The following LIPG variants were observed in gnomAD, a reference collection of about 807,000 sequenced individuals.
The protein encoded by LIPG is endothelial lipase.
In LIPG, 34 loss-of-function variants were observed where a neutral mutation model predicts 51.8. That is an observed-to-expected ratio of 0.66 (90% CI 0.50 to 0.87). The LOEUF is 0.87. Ranked by LOEUF, LIPG falls within the 40% of genes least tolerant of loss-of-function variation. The pLI, the probability that LIPG is intolerant of heterozygous loss-of-function variation, is 0.00. For missense variants in LIPG, 580 were observed against 652.7 expected (o/e 0.89, Z 1.21); for synonymous variants, 246 against 246.1 (o/e 1.00, Z 0.00).
Position 49,591,298 on chromosome 18 carries a change from C to CT in LIPG, c.*777dup, listed in dbSNP as rs2084941345. ...AAAGGCACCTGGGGCCTGGGGGAGG[C>CT]TATAGGATATAAGCATTAGGGACCC... On this transcript the variant is annotated 3_prime_UTR_variant, in exon 10 of 10. Transcript: ENST00000261292. The CT allele has an allele frequency of 6.6e-6, 1 of 152,264 alleles. No individual in the cohort carries two copies. The highest frequency in any genetic ancestry group is 2.1e-4 in the South Asian group (1 of 4,826). 9.4% of individuals were successfully genotyped at this position (152,264 alleles called of 1,614,324 possible).
At chr18:49,586,713 C>A in intron 8 of LIPG, 33 bp from the exon 9 acceptor site, 1 of 1,481,468 alleles carries the variant, frequency 6.8e-7, no homozygotes, top group Non-Finnish European at 9.4e-7. Flanking sequence ...CCCTAAAGTT[C>A]TGCCTACATC....
rs1004081879 is a variant in LIPG, at chr18:49,595,452, T to A, written c.*4930T>A. On this transcript the variant is annotated 3_prime_UTR_variant, in exon 10 of 10. Transcript: ENST00000261292. Reference sequence around the variant, plus strand: ...CAGAGACAATACTGCTCAGGGTTGTTGTGAATGTTAAAGGTACATGGTAAA... The same window carrying A: ...CAGAGACAATACTGCTCAGGGTTGTAGTGAATGTTAAAGGTACATGGTAAA... 1.3e-5 allele frequency: 2 copies of A among 152,202 alleles called. No individual in the cohort carries two copies. The highest frequency in any genetic ancestry group is 4.8e-5 in the African/African-American group (2 of 41,444). 9.4% of individuals were successfully genotyped at this position (152,202 alleles called of 1,614,324 possible).
intron 2 of LIPG, among the ~76,000 whole-genome samples, chr18:49,567,099 G>A (rs1026228463): frequency 1.3e-5 from 2 of 152,210 alleles, no homozygotes; most frequent in African/African-American, 4.8e-5. Context: ...CACTCTGGAA[G>A]GCCTAGGTGG....
chr18:49,585,633 A>G (rs2084872611), intron 8 of LIPG, among the ~76,000 whole-genome samples: 1 of 152,178 alleles, frequency 6.6e-6, no homozygotes. Flanking sequence ...CATCCTCTGC[A>G]TTTTCCTTGT....
At chr18:49,561,643 T>G (rs932206041), upstream of LIPG, 1 of 1,213,194 alleles carries the variant, frequency 8.2e-7, no homozygotes, top group Non-Finnish European at 1.0e-6. Flanking sequence ...AGGGAGCGGA[T>G]AGACCACTCC....
At chr18:49,581,768 C>A in intron 6 of LIPG, 111 bp downstream of exon 6, 1 of 1,336,550 alleles carries the variant, frequency 7.5e-7, no homozygotes, top group Non-Finnish European at 1.1e-6. Context: ...CCAGCACAAT[C>A]CAATCAAATC....
chr18:49,582,896 A>T (rs542979221), intron 7 of LIPG, among the ~76,000 whole-genome samples: 2 of 152,356 alleles, frequency 1.3e-5, no homozygotes, highest in African/African-American at 4.8e-5. Flanking sequence ...TTGAGTATCC[A>T]CCAGGGACAA....
chr18:49,562,325 C>T lies in LIPG; in HGVS notation c.17C>T (p.Pro6Leu). 2 of 1,613,538 alleles carry T rather than the reference C, an allele frequency of 1.2e-6. No individual in the cohort carries two copies. The highest frequency in any genetic ancestry group is 1.7e-6 in the Non-Finnish European group (2 of 1,180,028). The change falls in exon 1 of 10, where the codon CCT (proline) becomes CTT (leucine). Residue 6 changes from proline to leucine, a missense_variant. Transcript: ENST00000261292. ...CGGGGCAGGATGAGCAACTCCGTTC[C>T]TCTGCTCTGTTTCTGGAGCCTCTGC... MSNSV[P>L]LLCFWSLCYC...
rs1006450967 is a variant in LIPG at position 49,596,222 on chromosome 18, A to C, written c.*5700A>C. 2.6e-5 allele frequency: 4 copies of C among 152,266 alleles called. No homozygotes were observed. The highest frequency in any genetic ancestry group is 4.4e-5 in the Non-Finnish European group (3 of 68,048). The allele number at this position is 152,266 out of a possible 1,614,324, so 9.4% of individuals were successfully genotyped here. Reference sequence around the variant, plus strand: ...TGTGAAAGTCATCATGCTAATAGATATTATGAAATATAAATTCAAAACCTG... The same window carrying C: ...TGTGAAAGTCATCATGCTAATAGATCTTATGAAATATAAATTCAAAACCTG... On this transcript the variant is annotated 3_prime_UTR_variant, in exon 10 of 10. Transcript: ENST00000261292.
At chr18:49,570,407 T>C (rs2084650216) in intron 4 of LIPG, among the ~76,000 whole-genome samples, 1 of 152,226 alleles carries the variant, frequency 6.6e-6, no homozygotes, top group Admixed American at 6.5e-5. Context: ...TGCCCTGAAC[T>C]TCTATCCTTC....
intron 4 of LIPG, among the ~76,000 whole-genome samples, chr18:49,575,029 G>C (rs1483049936): frequency 6.6e-6 from 1 of 152,176 alleles, no homozygotes; most frequent in Non-Finnish European, 1.5e-5. Flanking sequence ...GTTCTTTCTA[G>C]AACTGCTTCA....
rs900630387 is a variant in LIPG, at chr18:49,592,289, G to A, written c.*1767G>A. The A allele has an allele frequency of 5.3e-5, 8 of 152,194 alleles. No homozygotes were observed. The highest frequency in any genetic ancestry group is 1.7e-4 in the African/African-American group (7 of 41,460). 9.4% of individuals were successfully genotyped at this position (152,194 alleles called of 1,614,324 possible). ...TCTGTGATTGCTTTCTAGCCAAAGC[G>A]AAGCTTGTACAGGTTGAGTATCCCT... On this transcript the variant is annotated 3_prime_UTR_variant, in exon 10 of 10. Transcript: ENST00000261292.
At chr18:49,588,964 G>C (rs1327832471) in intron 9 of LIPG, among the ~76,000 whole-genome samples, 1 of 152,112 alleles carries the variant, frequency 6.6e-6, no homozygotes, top group Non-Finnish European at 1.5e-5. Flanking sequence ...ACTAGGCAGG[G>C]GTTGTTAGCC....
intron 5 of LIPG, among the ~76,000 whole-genome samples, chr18:49,576,326 T>A (rs901760428): frequency 6.6e-6 from 1 of 152,096 alleles, no homozygotes; most frequent in African/African-American, 2.4e-5. Flanking sequence ...TTTGCATGCA[T>A]ATTTTTCCCC....
chr18:49,598,724 C>A lies in LIPG; in HGVS notation c.*8202C>A, dbSNP rs577506263. The A allele has an allele frequency of 6.6e-6, 1 of 152,210 alleles. No individual in the cohort carries two copies. The highest frequency in any genetic ancestry group is 2.4e-5 in the African/African-American group (1 of 41,440). The allele number at this position is 152,210 out of a possible 1,614,324, so 9.4% of individuals were successfully genotyped here. A position where few individuals can be genotyped will look rare whatever the true frequency, so the allele number is the denominator to read the frequency against. ...TTACCACATCGAGATTGTGAACATA[C>A]CACCACCAGAAGTTTTCTTGTGCCC... On this transcript the variant is annotated 3_prime_UTR_variant, in exon 10 of 10. Coordinates refer to ENST00000261292, the MANE Select transcript of LIPG (RefSeq NM_006033.4).
At chr18:49,565,750 C>G (rs1259682553) in intron 2 of LIPG, among the ~76,000 whole-genome samples, 1 of 152,174 alleles carries the variant, frequency 6.6e-6, no homozygotes, top group Non-Finnish European at 1.5e-5. Flanking sequence ...GGGCAGCAGC[C>G]CAGCTCCACT....
At chr18:49,579,706 A>T (rs368489611) in intron 5 of LIPG, among the ~76,000 whole-genome samples, 4 of 151,000 alleles carry the variant, frequency 2.6e-5, no homozygotes, top group Non-Finnish European at 5.9e-5. Flanking sequence ...ATGCAAGGGG[A>T]TTTTACTCCC....
At position 49,597,743 on chromosome 18, in the gene LIPG, G is replaced by C; in HGVS notation, c.*7221G>C. On this transcript the variant is annotated 3_prime_UTR_variant, in exon 10 of 10. Transcript: ENST00000261292. ...GCCCAGACGAGTCTGCACGCTATGTGGTTTAATACCTTCACCAGAGGCAAA... is the reference window on the plus strand; with the variant it reads ...GCCCAGACGAGTCTGCACGCTATGTCGTTTAATACCTTCACCAGAGGCAAA... The C allele has an allele frequency of 6.6e-6, 1 of 152,172 alleles. No homozygotes were observed. Among genetic ancestry groups the C allele is most frequent in the Non-Finnish European group, 1.5e-5 (1 of 68,044 alleles). 9.4% of individuals were successfully genotyped at this position (152,172 alleles called of 1,614,324 possible). A position where few individuals can be genotyped will look rare whatever the true frequency, so the allele number is the denominator to read the frequency against.
chr18:49,598,478 AG>A lies in LIPG; in HGVS notation c.*7957del, dbSNP rs1363564589. 6.6e-6 allele frequency: 1 copy of A among 152,444 alleles called. No individual in the cohort carries two copies. Among genetic ancestry groups the A allele is most frequent in the East Asian group, 1.9e-4 (1 of 5,196 alleles). The allele number at this position is 152,444 out of a possible 1,614,324, so 9.4% of individuals were successfully genotyped here. A position where few individuals can be genotyped will look rare whatever the true frequency, so the allele number is the denominator to read the frequency against. The stretch of plus-strand genomic sequence containing the variant: ...CCAAAGTGCTGGGATTAGAGGCATG[AG>A]CCATCAGGCCTGGCCATGCTGCCTC... On this transcript the variant is annotated 3_prime_UTR_variant, in exon 10 of 10. Coordinates refer to ENST00000261292, the MANE Select transcript of LIPG (RefSeq NM_006033.4).
Sources: gnomAD v4.1 joint callset for allele counts (sites outside exome capture counted in the v4.1 genomes callset) on GRCh38, gnomAD v4.1.1 for gene constraint, MANE v1.5 for transcripts, NCBI Gene and HGNC (gene_info 2026-07-23, HGNC 2026-07-21) for gene names.